The following ATXN10 variants were observed in gnomAD, a reference collection of about 807,000 sequenced individuals.
ATXN10 encodes the protein ataxin-10.
Under a neutral mutation model 52.9 loss-of-function variants are expected in ATXN10, and 28 were observed. The observed-to-expected ratio is 0.53, with a 90% CI of 0.39 to 0.73. The LOEUF is 0.73. Among genes scored for constraint, ATXN10 ranks in the 30% least tolerant of loss-of-function variants. The pLI is 0.00. For synonymous variants in ATXN10, 226 were observed against 221.5 expected (o/e 1.02, Z -0.18); for missense variants, 565 against 577.0 (o/e 0.98, Z 0.21).
intron 7 of ATXN10, among the ~76,000 whole-genome samples, chr22:45,734,099 A>G (rs1601612898): frequency 2.0e-5 from 3 of 152,054 alleles, no homozygotes; most frequent in African/African-American, 7.2e-5. Context: ...TAACCTTTAC[A>G]AATAATGTTA....
At chr22:45,726,717 G>A (rs1305153467) in intron 6 of ATXN10, among the ~76,000 whole-genome samples, 3 of 151,986 alleles carry the variant, frequency 2.0e-5, no homozygotes, top group African/African-American at 4.8e-5. Context: ...AGACAGGGTC[G>A]TGCTGTGTCA....
chr22:45,718,663 G>A lies in ATXN10; in HGVS notation c.728+170G>A, dbSNP rs74626871. ...TGGTTAACATTACAGCTTAGCCACA[G>A]TAGGCAGTGATTTATGGAGGGTAGC... On this transcript the variant is annotated intron_variant, in intron 6 of 11. Coordinates refer to ENST00000252934, the MANE Select transcript of ATXN10 (RefSeq NM_013236.4). The surrounding 1 kb of genome is among the most constrained non-coding windows in gnomAD (Gnocchi z 4.4). 7.4e-3 allele frequency among the ~76,000 whole-genome samples: 1,128 copies of A among 152,300 alleles called. 9 individuals carry two copies. The highest frequency in any genetic ancestry group is 0.016 in the African/African-American group (659 of 41,564).
intron 5 of ATXN10, among the ~76,000 whole-genome samples, chr22:45,706,036 T>C (rs1300519056): frequency 1.3e-5 from 2 of 152,200 alleles, no homozygotes; most frequent in Non-Finnish European, 2.9e-5. Flanking sequence ...ACACTCCTTA[T>C]GAGAATCTAT....
intron 1 of ATXN10, among the ~76,000 whole-genome samples, chr22:45,680,614 C>G (rs532646665): frequency 6.6e-6 from 1 of 151,776 alleles, no homozygotes; most frequent in Non-Finnish European, 1.5e-5. Flanking sequence ...CGCCACCATG[C>G]CCCGCTAATT....
At chr22:45,811,876 C>G (rs1419825172) in intron 10 of ATXN10, 2 of 441,022 alleles carry the variant, frequency 4.5e-6, no homozygotes, top group East Asian at 7.0e-5. Context: ...CTCCCACTCC[C>G]CACACCACCT....
chr22:45,709,878 G>T (rs749948520), intron 5 of ATXN10, among the ~76,000 whole-genome samples: 7 of 152,044 alleles, frequency 4.6e-5, no homozygotes, highest in African/African-American at 1.7e-4. Flanking sequence ...CCATTTACTC[G>T]TTTGCTGAGG....
Position 45,732,331 on chromosome 22 carries a change from T to A in ATXN10, c.894+2741T>A, listed in dbSNP as rs1601612084. Among the ~76,000 whole-genome samples, 1 of 151,660 alleles carries A rather than the reference T, an allele frequency of 6.6e-6. No individual in the cohort carries two copies. The highest frequency in any genetic ancestry group is 2.4e-5 in the African/African-American group (1 of 41,344). ...AGAATTAGCTGGGTGTGGTGGTGTG[T>A]GCCTGTGTTCCTAGCCACCGGTGAG... On this transcript the variant is annotated intron_variant, in intron 7 of 11. Transcript: ENST00000252934. This position sits in a 1 kb window ranked among gnomAD's most constrained non-coding sequence, Gnocchi z 4.5.
At chr22:45,693,104 T>C (rs774899048) in intron 3 of ATXN10, 26 bp downstream of exon 3, 1 of 1,580,296 alleles carries the variant, frequency 6.3e-7, no homozygotes, top group Non-Finnish European at 8.7e-7. Context: ...ATTCATGGAT[T>C]ATTTATATCT....
rs142836108 is a variant in ATXN10, at chr22:45,721,524, A to G, written c.728+3031A>G. 1.9e-3 allele frequency among the ~76,000 whole-genome samples: 285 copies of G among 152,318 alleles called. 1 individual carries two copies. Among genetic ancestry groups the G allele is most frequent in the African/African-American group, 6.0e-3 (250 of 41,560 alleles). ...TGACTTTGGCATCAGAAAGAGTTCA[A>G]ATACCACCTCAGTACCTCTGTAACC... On this transcript the variant is annotated intron_variant, in intron 6 of 11. Coordinates refer to ENST00000252934, the MANE Select transcript of ATXN10 (RefSeq NM_013236.4).
In ATXN10 at chr22:45,841,497, A is replaced by G. The variant is rs1929345026; in HGVS notation, c.1238-1494A>G. On this transcript the variant is annotated intron_variant, in intron 10 of 11. Coordinates refer to ENST00000252934, the MANE Select transcript of ATXN10 (RefSeq NM_013236.4). This position sits in a 1 kb window ranked among gnomAD's most constrained non-coding sequence, Gnocchi z 5.1. ...ACCACAGCTGTGGAGGAGCTGGGAG[A>G]CACAGGCCAGGAGCTTAAGTGCTGT... Among the ~76,000 whole-genome samples, 1 of 152,124 alleles carries G rather than the reference A, an allele frequency of 6.6e-6. No individual in the cohort carries two copies. Among genetic ancestry groups the G allele is most frequent in the African/African-American group, 2.4e-5 (1 of 41,424 alleles).
chr22:45,682,492 T>C (rs911079895), intron 1 of ATXN10, among the ~76,000 whole-genome samples: 9 of 150,224 alleles, frequency 6.0e-5, no homozygotes, highest in African/African-American at 2.2e-4. Flanking sequence ...ATTTTTTTTG[T>C]AGAGACAGGG....
intron 6 of ATXN10, among the ~76,000 whole-genome samples, chr22:45,720,217 C>G (rs185773088): frequency 2.1e-4 from 32 of 152,158 alleles, no homozygotes; most frequent in Admixed American, 2.1e-3. Flanking sequence ...TTTGTCACAG[C>G]CCTAGTTTAC....
intron 10 of ATXN10, among the ~76,000 whole-genome samples, chr22:45,829,358 A>G (rs1176372486): frequency 1.3e-5 from 2 of 152,184 alleles, no homozygotes; most frequent in South Asian, 2.1e-4. Context: ...CTTTTATTCA[A>G]TATCTTACTA....
intron 9 of ATXN10, among the ~76,000 whole-genome samples, chr22:45,771,919 C>T (rs1225658146): frequency 1.3e-5 from 2 of 152,140 alleles, no homozygotes; most frequent in Admixed American, 6.5e-5. Context: ...CCACTGTGCC[C>T]AGCTGGATTG....
chr22:45,697,983 G>C (rs141110240), intron 3 of ATXN10, among the ~76,000 whole-genome samples: 2 of 152,254 alleles, frequency 1.3e-5, no homozygotes, highest in South Asian at 4.1e-4. Context: ...TCATTACTTC[G>C]TTCCTCTTTA....
Position 45,824,043 on chromosome 22 carries a change from A to G in ATXN10, c.1237+17021A>G, listed in dbSNP as rs910282182. ...TTTGTTTGTTTTGGTAGTCCCTGGCACATGGTGGTACAGTGGGTATGCAGT... is the reference window on the plus strand; with the variant it reads ...TTTGTTTGTTTTGGTAGTCCCTGGCGCATGGTGGTACAGTGGGTATGCAGT... On this transcript the variant is annotated intron_variant, in intron 10 of 11. Transcript: ENST00000252934. The surrounding 1 kb of genome is among the most constrained non-coding windows in gnomAD (Gnocchi z 5.2). 2.0e-5 allele frequency among the ~76,000 whole-genome samples: 3 copies of G among 152,172 alleles called. No individual in the cohort carries two copies. Among genetic ancestry groups the G allele is most frequent in the African/African-American group, 7.2e-5 (3 of 41,458 alleles).
intron 10 of ATXN10, among the ~76,000 whole-genome samples, chr22:45,836,780 G>T (rs931433784): frequency 1.3e-5 from 2 of 152,204 alleles, no homozygotes; most frequent in Non-Finnish European, 2.9e-5. Flanking sequence ...CTACTACTTT[G>T]CACTCTAAAA....
intron 9 of ATXN10, among the ~76,000 whole-genome samples, chr22:45,794,156 T>C (rs1241970660): frequency 1.3e-5 from 2 of 152,182 alleles, no homozygotes; most frequent in African/African-American, 4.8e-5. Flanking sequence ...GTATGTCTTA[T>C]AGAAAATGGC....
chr22:45,819,192 A>AAATAGAATAGAATAGAATAGAATAG lies in ATXN10; in HGVS notation c.1237+12206_1237+12230dup, dbSNP rs56195245. On this transcript the variant is annotated intron_variant, in intron 10 of 11. Coordinates refer to ENST00000252934, the MANE Select transcript of ATXN10 (RefSeq NM_013236.4). This position sits in a 1 kb window ranked among gnomAD's most constrained non-coding sequence, Gnocchi z 4.5. ...TCTGTAGTATGAAGAATAGAATAGA[A>AAATAGAATAGAATAGAATAGAATAG]AATAGAATAGAATAGAATAGAATAG... 7.5e-4 allele frequency among the ~76,000 whole-genome samples: 111 copies of AAATAGAATAGAATAGAATAGAATAG among 147,614 alleles called. No homozygotes were observed. Among genetic ancestry groups the AAATAGAATAGAATAGAATAGAATAG allele is most frequent in the South Asian group, 1.1e-3 (5 of 4,480 alleles).
Sources: gnomAD v4.1 joint callset for allele counts (sites outside exome capture counted in the v4.1 genomes callset) on GRCh38, gnomAD v4.1.1 for gene constraint, Gnocchi (gnomAD v3.1) non-coding constraint, MANE v1.5 for transcripts, NCBI Gene and HGNC (gene_info 2026-07-23, HGNC 2026-07-21) for gene names.